ATG4B: variants seen among roughly 807,000 people sequenced by gnomAD.
ATG4B encodes cysteine protease ATG4B.
Under a neutral mutation model 56.6 loss-of-function variants are expected in ATG4B, and 29 were observed. That is an observed-to-expected ratio of 0.51 (90% confidence interval 0.38 to 0.70). The LOEUF (loss-of-function observed/expected upper bound fraction) is 0.70. Among genes scored for constraint, ATG4B ranks in the 30% least tolerant of loss-of-function variants. The pLI is 0.00. For synonymous variants in ATG4B, 224 were observed against 206.1 expected, an observed-to-expected ratio of 1.09 and a Z score of -0.74; for missense variants, 461 against 515.5, an observed-to-expected ratio of 0.89 and a Z score of 1.02.
intron 1 of ATG4B, among the ~76,000 whole-genome samples, chr2:241,645,395 A>C (rs1332874048): frequency 1.3e-5 from 2 of 152,142 alleles, no homozygotes; most frequent in Non-Finnish European, 2.9e-5. Context: ...AAAGAGACTC[A>C]TGTTTGGTTG....
chr2:241,655,750 A>G (rs1575072686), intron 6 of ATG4B, among the ~76,000 whole-genome samples: 1 of 152,242 alleles, frequency 6.6e-6, no homozygotes, highest in East Asian at 1.9e-4. Context: ...GACTCCCTGT[A>G]GCCTCGCTCA....
intron 7 of ATG4B, among the ~76,000 whole-genome samples, chr2:241,660,063 G>T (rs912688990): frequency 6.6e-6 from 1 of 152,116 alleles, no homozygotes; most frequent in Non-Finnish European, 1.5e-5. Context: ...GGTGGCACGC[G>T]CCTATAGTCC....
intron 7 of ATG4B, among the ~76,000 whole-genome samples, chr2:241,666,287 G>A (rs577292800): frequency 5.3e-5 from 8 of 152,360 alleles, no homozygotes; most frequent in African/African-American, 1.4e-4. Context: ...GAGGAGGCCC[G>A]GAGGGAGCGG....
At chr2:241,653,413 G>C in intron 3 of ATG4B, 99 bp from the exon 4 acceptor site, 2 of 1,551,448 alleles carry the variant, frequency 1.3e-6, no homozygotes, top group Non-Finnish European at 1.7e-6. Flanking sequence ...GGGAGTCGGT[G>C]CCTGTGGTGT....
At chr2:241,657,178 T>G (rs1402335301) in intron 6 of ATG4B, among the ~76,000 whole-genome samples, 1 of 146,576 alleles carries the variant, frequency 6.8e-6, no homozygotes, top group Non-Finnish European at 1.5e-5. Flanking sequence ...GGTTTCACCA[T>G]GTTGGCCAGG....
At chr2:241,669,065 C>T (rs62190302) in intron 10 of ATG4B, among the ~76,000 whole-genome samples, 1 of 101,222 alleles carries the variant, frequency 9.9e-6, no homozygotes, top group African/African-American at 2.8e-5. Flanking sequence ...TCGTCACACC[C>T]ACATTTAAAC....
At chr2:241,663,073 TAAA>T (rs533686255) in intron 7 of ATG4B, among the ~76,000 whole-genome samples, 1 of 150,880 alleles carries the variant, frequency 6.6e-6, no homozygotes, top group South Asian at 2.1e-4. Flanking sequence ...CCATGTCTAC[TAAA>T]AAAAAAGTTA....
chr2:241,659,475 C>T (rs1168639139), intron 7 of ATG4B: 2 of 453,818 alleles, frequency 4.4e-6, no homozygotes, highest in Non-Finnish European at 8.8e-6. Context: ...CCCTGCTGTG[C>T]TTAGGCGCCC....
chr2:241,672,278 G>A lies in ATG4B; in HGVS notation c.*14G>A, dbSNP rs1033377561. ...CTGTCCCTTTGAAAATCCTGGGGTC[G>A]GGGGTGGCACCTGTGAGAGCCTGGG... On this transcript the variant is annotated 3_prime_UTR_variant, in exon 13 of 13. Transcript: ENST00000404914. 13 of 1,561,144 alleles carry A rather than the reference G, an allele frequency of 8.3e-6. No homozygotes were observed. Among genetic ancestry groups the A allele is most frequent in the Admixed American group, 1.9e-5 (1 of 52,372 alleles).
At chr2:241,659,442 T>C (rs2068522731) in intron 7 of ATG4B, 1 of 550,776 alleles carries the variant, frequency 1.8e-6, no homozygotes, top group Non-Finnish European at 3.6e-6. Flanking sequence ...TTTTGTGTCT[T>C]GGTTACAAAT....
chr2:241,665,894 G>A (rs2068745463), intron 7 of ATG4B, among the ~76,000 whole-genome samples: 1 of 151,972 alleles, frequency 6.6e-6, no homozygotes, highest in Non-Finnish European at 1.5e-5. Context: ...GTCAGTCACT[G>A]TCACCTGTCA....
rs2068538641 is a variant in ATG4B at position 241,659,924 on chromosome 2, G to T, written c.538+737G>T. Among the ~76,000 whole-genome samples, 3 of 152,276 alleles carry T rather than the reference G, an allele frequency of 2.0e-5. No homozygotes were observed. In the South Asian group the frequency reaches 6.2e-4, roughly 32 times the overall value. On this transcript the variant is annotated intron_variant, in intron 7 of 12. Transcript: ENST00000404914. ...GAGCTCATTTAGGCCGGGCGCGGTGGCTCATGCCTGTAATCCCAGCACCTT... is the reference window on the plus strand; with the variant it reads ...GAGCTCATTTAGGCCGGGCGCGGTGTCTCATGCCTGTAATCCCAGCACCTT...
chr2:241,657,530 C>T (rs972532285), intron 6 of ATG4B, among the ~76,000 whole-genome samples: 13 of 151,826 alleles, frequency 8.6e-5, no homozygotes, highest in African/African-American at 3.1e-4. Context: ...GTCTTGAACT[C>T]CTGACCTCGT....
chr2:241,659,623 G>C (rs774926910), intron 7 of ATG4B: 4 of 330,356 alleles, frequency 1.2e-5, no homozygotes, highest in Non-Finnish European at 2.4e-5. Flanking sequence ...TGGAAGAAAG[G>C]TCTGCTGCAA....
At chr2:241,671,673 CAG>C (rs1290061994) in intron 12 of ATG4B, 23 of 1,405,572 alleles carry the variant, frequency 1.6e-5, no homozygotes, top group Non-Finnish European at 1.7e-5. Flanking sequence ...ATGGAGTCCT[CAG>C]GGGTCTGGAG....
chr2:241,671,087 G>T (rs7557052), intron 11 of ATG4B, among the ~76,000 whole-genome samples: 88,207 of 152,132 alleles, frequency 0.58, 26,323 homozygotes, highest in Middle Eastern at 0.7. Context: ...TACGCCGGCC[G>T]AGTGCGTGTG....
chr2:241,664,243 C>T (rs2068689045), intron 7 of ATG4B, among the ~76,000 whole-genome samples: 1 of 152,076 alleles, frequency 6.6e-6, no homozygotes, highest in African/African-American at 2.4e-5. Flanking sequence ...AAAATCCCTC[C>T]CTTGGCTAAG....
At chr2:241,638,068 C>T (rs1198037524) in intron 1 of ATG4B, among the ~76,000 whole-genome samples, 1 of 151,754 alleles carries the variant, frequency 6.6e-6, no homozygotes, top group Non-Finnish European at 1.5e-5. Flanking sequence ...CGGGGAGAGG[C>T]GCGGCGGCGA....
chr2:241,671,133 T>A (rs1441135352), intron 11 of ATG4B, among the ~76,000 whole-genome samples, 179 bp from the exon 12 acceptor site: 1 of 152,244 alleles, frequency 6.6e-6, no homozygotes, highest in Non-Finnish European at 1.5e-5. Context: ...CAGACTGTGC[T>A]GTGTGTTGAT....
Sources: gnomAD v4.1 joint callset for allele counts (sites outside exome capture counted in the v4.1 genomes callset) on GRCh38, gnomAD v4.1.1 for gene constraint, MANE v1.5 for transcripts, NCBI Gene and HGNC (gene_info 2026-07-23, HGNC 2026-07-21) for gene names.